LPAR3: variants seen among roughly 807,000 people sequenced by gnomAD.
LPAR3 encodes the protein lysophosphatidic acid receptor 3.
A neutral mutation model predicts 17.8 loss-of-function variants in LPAR3; 7 were observed. The ratio of observed to expected loss-of-function variants is 0.39; its 90% confidence interval spans 0.22 to 0.74. The LOEUF (loss-of-function observed/expected upper bound fraction) is 0.74. Among genes scored for constraint, LPAR3 ranks in the 30% least tolerant of loss-of-function variants. LPAR3 has a pLI of 0.40. For synonymous variants in LPAR3, 179 were observed against 179.9 expected (o/e 0.99, Z 0.04); for missense variants, 391 against 453.4 (o/e 0.86, Z 1.25).
At chr1:84,828,858 C>G (rs1019889222) in intron 2 of LPAR3, among the ~76,000 whole-genome samples, 7 of 152,168 alleles carry the variant, frequency 4.6e-5, no homozygotes, top group Non-Finnish European at 8.8e-5. Context: ...TTCCATTGTT[C>G]AGATTATGGG....
chr1:84,888,438 G>T (rs1660498297), intron 1 of LPAR3, among the ~76,000 whole-genome samples: 1 of 152,108 alleles, frequency 6.6e-6, no homozygotes, highest in Non-Finnish European at 1.5e-5. Context: ...CCTTGCTTTG[G>T]TTTTCTATAA....
At chr1:84,846,192 A>C (rs1659592542) in intron 2 of LPAR3, among the ~76,000 whole-genome samples, 1 of 152,206 alleles carries the variant, frequency 6.6e-6, no homozygotes. Flanking sequence ...ACAAATTCTC[A>C]TGTTAAAAAA....
chr1:84,869,968 T>TCCTATAAAACATTG (rs1281137988), intron 1 of LPAR3, among the ~76,000 whole-genome samples: 1 of 152,194 alleles, frequency 6.6e-6, no homozygotes, highest in Non-Finnish European at 1.5e-5. Flanking sequence ...TCACCAATTC[T>TCCTATAAAACATTG]CCTATAAAAC....
intron 2 of LPAR3, among the ~76,000 whole-genome samples, chr1:84,818,803 A>G (rs1658992150): frequency 6.6e-6 from 1 of 152,204 alleles, no homozygotes; most frequent in South Asian, 2.1e-4. Flanking sequence ...ATGTAATGTT[A>G]GACATCATAT....
chr1:84,819,430 C>T (rs1367457534), intron 2 of LPAR3, among the ~76,000 whole-genome samples: 1 of 152,160 alleles, frequency 6.6e-6, no homozygotes, highest in Non-Finnish European at 1.5e-5. Context: ...GTCAGAATCT[C>T]GGGTGGGACA....
intron 2 of LPAR3, among the ~76,000 whole-genome samples, chr1:84,833,672 C>T (rs1659336461): frequency 6.6e-6 from 1 of 152,216 alleles, no homozygotes; most frequent in Non-Finnish European, 1.5e-5. Flanking sequence ...TATAGGTAAC[C>T]TTAGGCAAGG....
intron 2 of LPAR3, among the ~76,000 whole-genome samples, chr1:84,825,236 T>C (rs1659134280): frequency 6.6e-6 from 1 of 152,172 alleles, no homozygotes; most frequent in Admixed American, 6.5e-5. Context: ...TGAGAGAATC[T>C]CGTGGTAAAA....
chr1:84,836,286 C>T (rs1395342355), intron 2 of LPAR3, among the ~76,000 whole-genome samples: 1 of 143,662 alleles, frequency 7.0e-6, no homozygotes, highest in East Asian at 2.1e-4. Context: ...CTCAGTGAGT[C>T]ATCATCGTAA....
chr1:84,885,676 C>G (rs1660447541), intron 1 of LPAR3, among the ~76,000 whole-genome samples: 6 of 152,096 alleles, frequency 3.9e-5, no homozygotes, highest in Admixed American at 3.9e-4. Flanking sequence ...GCTAGAGGGA[C>G]TGGAGACTGA....
At chr1:84,818,735 A>T (rs926808499) in intron 2 of LPAR3, among the ~76,000 whole-genome samples, 1 of 152,146 alleles carries the variant, frequency 6.6e-6, no homozygotes, top group East Asian at 1.9e-4. Flanking sequence ...AGATAAACGT[A>T]TCATACATTT....
intron 2 of LPAR3, among the ~76,000 whole-genome samples, chr1:84,833,157 G>A (rs1371928510): frequency 6.6e-6 from 1 of 152,172 alleles, no homozygotes; most frequent in Non-Finnish European, 1.5e-5. Flanking sequence ...CTCTTAAACT[G>A]TGGAACTAAA....
intron 2 of LPAR3, among the ~76,000 whole-genome samples, chr1:84,855,951 G>T (rs776060769): frequency 6.6e-6 from 1 of 152,192 alleles, no homozygotes; most frequent in Non-Finnish European, 1.5e-5. Flanking sequence ...CCATATGAGG[G>T]ATTTTCTTTT....
intron 2 of LPAR3, among the ~76,000 whole-genome samples, chr1:84,840,772 A>C (rs1394597205): frequency 6.6e-6 from 1 of 152,242 alleles, no homozygotes; most frequent in Non-Finnish European, 1.5e-5. Context: ...ATGCCTCTTT[A>C]AAACAATAAT....
chr1:84,835,949 T>C (rs1346716978), intron 2 of LPAR3, among the ~76,000 whole-genome samples: 1 of 129,282 alleles, frequency 7.7e-6, no homozygotes, highest in Admixed American at 7.3e-5. Context: ...GTAAACTGAG[T>C]TAATTTGTTT....
At chr1:84,884,495 T>C (rs1660422847) in intron 1 of LPAR3, among the ~76,000 whole-genome samples, 1 of 152,202 alleles carries the variant, frequency 6.6e-6, no homozygotes, top group Non-Finnish European at 1.5e-5. Context: ...GGTAAGAGTT[T>C]ATGGAGGAAA....
intron 2 of LPAR3, among the ~76,000 whole-genome samples, chr1:84,830,883 A>AG (rs1206837377): frequency 6.6e-6 from 1 of 152,174 alleles, no homozygotes; most frequent in East Asian, 1.9e-4. Flanking sequence ...ACAGCACCAC[A>AG]GGAGACCCAC....
At chr1:84,852,977 G>A (rs897669772) in intron 2 of LPAR3, among the ~76,000 whole-genome samples, 4 of 151,984 alleles carry the variant, frequency 2.6e-5, no homozygotes, top group East Asian at 1.9e-4. Flanking sequence ...AAAAATCAGC[G>A]GGGCACACTG....
chr1:84,850,354 T>G (rs540979096), intron 2 of LPAR3, among the ~76,000 whole-genome samples: 19 of 122,110 alleles, frequency 1.6e-4, no homozygotes, highest in African/African-American at 5.9e-4. Context: ...ACCAGGAGAC[T>G]GAGACCAGCC....
intron 1 of LPAR3, among the ~76,000 whole-genome samples, chr1:84,869,552 C>T (rs1355729884): frequency 1.3e-5 from 2 of 151,920 alleles, no homozygotes; most frequent in Admixed American, 1.3e-4. Flanking sequence ...CTTTAATATA[C>T]AATACACATA....
Sources: gnomAD v4.1 joint callset for allele counts (sites outside exome capture counted in the v4.1 genomes callset) on GRCh38, gnomAD v4.1.1 for gene constraint, MANE v1.5 for transcripts, NCBI Gene and HGNC (gene_info 2026-07-23, HGNC 2026-07-21) for gene names.